Variants in ZC3H14 observed in about 807,000 individuals in gnomAD.
The protein encoded by ZC3H14 is zinc finger CCCH domain-containing protein 14.
A neutral mutation model predicts 92.4 loss-of-function variants in ZC3H14; 31 were observed. That is an observed-to-expected ratio of 0.34 (90% CI 0.25 to 0.45). ZC3H14 has a LOEUF of 0.45. ZC3H14 is among the 20% of genes least tolerant of loss of function. The probability of loss-of-function intolerance (pLI) is 1.00; values close to 1 mark genes in which losing one functional copy is unlikely to be tolerated. For synonymous variants in ZC3H14, 321 were observed against 300.9 expected, an observed-to-expected ratio of 1.07 and a Z score of -0.69; for missense variants, 781 against 897.3, an observed-to-expected ratio of 0.87 and a Z score of 1.66.
In ZC3H14 at chr14:88,618,082, C is replaced by G. The variant is rs2088034305; in HGVS notation, c.*6331C>G. The stretch of plus-strand genomic sequence containing the variant: ...TATATTCAATAAAAAGGGGTCCCAA[C>G]ATGAACATACCATTTCAAAATATGG... On this transcript the variant is annotated 3_prime_UTR_variant, in exon 17 of 17. Coordinates refer to ENST00000251038, the MANE Select transcript of ZC3H14 (RefSeq NM_024824.5). The G allele has an allele frequency of 3.8e-6, 2 of 519,986 alleles. No individual in the cohort carries two copies. The highest frequency in any genetic ancestry group is 3.3e-6 in the Non-Finnish European group (1 of 300,828). The allele number at this position is 519,986 out of a possible 1,614,324, so 32.2% of individuals were successfully genotyped here.
In ZC3H14 at chr14:88,572,198, C is replaced by G. The variant is rs770774302; in HGVS notation, c.404C>G (p.Ser135Trp). The G allele has an allele frequency of 6.2e-7, 1 of 1,614,028 alleles. No individual in the cohort carries two copies. The highest frequency in any genetic ancestry group is 1.3e-5 in the African/African-American group (1 of 75,008). ...AGAGATTCCAGAGTTTCTACAAGTTCGCAGGAGTCAAAAACCACAAATGTC... is the reference window on the plus strand; with the variant it reads ...AGAGATTCCAGAGTTTCTACAAGTTGGCAGGAGTCAAAAACCACAAATGTC... The part of the protein sequence containing the change: ...EKRDSRVSTS[S>W]QESKTTNVRQ... Residue 135 changes from serine (S) to tryptophan (W), a missense_variant, in exon 5 of 17, where the codon TCG (serine) becomes TGG (tryptophan). Physicochemically the swap from Ser to Trp is radical, Grantham distance 177. Around this residue, in one of 3 missense-constraint regions of ZC3H14, gnomAD observed 454 missense variants for 438.5 expected, o/e 1.04. Coordinates refer to ENST00000251038, the MANE Select transcript of ZC3H14 (RefSeq NM_024824.5).
At chr14:88,563,862 GTTT>G (rs554550535) in intron 2 of ZC3H14, among the ~76,000 whole-genome samples, 169 bp downstream of exon 2, 1 of 151,774 alleles carries the variant, frequency 6.6e-6, no homozygotes, top group Non-Finnish European at 1.5e-5. Flanking sequence ...TTGCAACCTT[GTTT>G]TTTTTCTCCC....
At chr14:88,586,336 A>AT (rs1027131502) in intron 9 of ZC3H14, among the ~76,000 whole-genome samples, 1 of 152,122 alleles carries the variant, frequency 6.6e-6, no homozygotes, top group African/African-American at 2.4e-5. Flanking sequence ...TTTTTGAAGT[A>AT]TTTTTTTGGA....
chr14:88,615,921 T>C lies in ZC3H14; in HGVS notation c.*4170T>C. On this transcript the variant is annotated 3_prime_UTR_variant, in exon 17 of 17. Coordinates refer to ENST00000251038, the MANE Select transcript of ZC3H14 (RefSeq NM_024824.5). ...TTAGATTTTCATAACAGTTTAATAT[T>C]TTTCAGTTGTGCTTTCAGGTTACAT... The C allele has an allele frequency of 6.5e-7, 1 of 1,534,554 alleles. No individual in the cohort carries two copies. Among genetic ancestry groups the C allele is most frequent in the Non-Finnish European group, 8.9e-7 (1 of 1,129,216 alleles).
At chr14:88,586,121 T>G (rs1326750636) in intron 9 of ZC3H14, among the ~76,000 whole-genome samples, 1 of 152,194 alleles carries the variant, frequency 6.6e-6, no homozygotes. Flanking sequence ...TGGGCTGAGA[T>G]TGCGCCGCTG....
rs960965862 is a variant in ZC3H14 at position 88,617,158 on chromosome 14, T to A, written c.*5407T>A. On this transcript the variant is annotated 3_prime_UTR_variant, in exon 17 of 17. Coordinates refer to ENST00000251038, the MANE Select transcript of ZC3H14 (RefSeq NM_024824.5). ...TGATAGAACTATTTTTTCTTTTTTT[T>A]TTTTTGAGACGGAGTTTTCGCTCTT... is the stretch of plus-strand genomic sequence containing the variant. The A allele has an allele frequency of 4.6e-6, 1 of 217,718 alleles. No homozygotes were observed. Among genetic ancestry groups the A allele is most frequent in the Admixed American group, 5.2e-5 (1 of 19,154 alleles). The allele number at this position is 217,718 out of a possible 1,614,324, so 13.5% of individuals were successfully genotyped here.
At chr14:88,567,216 C>T (rs989598012) in intron 2 of ZC3H14, among the ~76,000 whole-genome samples, 11 of 150,958 alleles carry the variant, frequency 7.3e-5, no homozygotes, top group African/African-American at 2.7e-4. Context: ...CCTGGGTTCA[C>T]ACCATTCTCC....
intron 4 of ZC3H14, among the ~76,000 whole-genome samples, chr14:88,571,736 C>T (rs1346994569): frequency 2.0e-5 from 3 of 151,994 alleles, no homozygotes; most frequent in Non-Finnish European, 4.4e-5. Context: ...CCAAGGTGGG[C>T]GGATCATGGG....
At chr14:88,595,532 G>A (rs1051505460) in intron 9 of ZC3H14, among the ~76,000 whole-genome samples, 3 of 152,152 alleles carry the variant, frequency 2.0e-5, no homozygotes. Context: ...GCTTCCCACA[G>A]GAATGCAACT....
At chr14:88,582,930 C>T (rs527494150) in intron 9 of ZC3H14, among the ~76,000 whole-genome samples, 7 of 152,056 alleles carry the variant, frequency 4.6e-5, no homozygotes, top group South Asian at 4.2e-4. Context: ...AGATAGCATT[C>T]TCTCATTTCT....
rs1414932568 is a variant in ZC3H14, at chr14:88,615,509, C to T, written c.*3758C>T. 2 of 300,432 alleles carry T rather than the reference C, an allele frequency of 6.7e-6. No homozygotes were observed. The highest frequency in any genetic ancestry group is 6.1e-6 in the Non-Finnish European group (1 of 164,194). 18.6% of individuals were successfully genotyped at this position (300,432 alleles called of 1,614,324 possible). A position where few individuals can be genotyped will look rare whatever the true frequency, so the allele number is the denominator to read the frequency against. ...GAGTTCTTCTGTAAAGAGTGCTCTA[C>T]CCTAAATTTTCCCAGCAGGTCTGCC... On this transcript the variant is annotated 3_prime_UTR_variant, in exon 17 of 17. Transcript: ENST00000251038.
intron 9 of ZC3H14, chr14:88,595,024 C>T (rs1299043881): frequency 6.2e-7 from 1 of 1,613,624 alleles, no homozygotes; most frequent in South Asian, 1.1e-5. Context: ...ATGCAACAGA[C>T]AGTTTGAAGA....
intron 4 of ZC3H14, 82 bp from the exon 5 acceptor site, chr14:88,571,948 G>A: frequency 8.5e-7 from 1 of 1,177,510 alleles, no homozygotes; most frequent in Non-Finnish European, 1.1e-6. Flanking sequence ...TGGCGACAGA[G>A]CGAGACTCCA....
intron 8 of ZC3H14, among the ~76,000 whole-genome samples, chr14:88,577,730 C>T (rs1053538190): frequency 1.3e-5 from 2 of 151,944 alleles, no homozygotes; most frequent in East Asian, 1.9e-4. Context: ...CCACTATGCC[C>T]GGCTAGTGTT....
At position 88,578,128 on chromosome 14, in the gene ZC3H14, G is replaced by GAAA; in HGVS notation, c.1272_1274dup (p.Lys424dup). ...AGAGGAAACAAAAGGAGATTCTGTA[G>GAAA]AAAAAAATCAAGGTAATAACTTAAA... On this transcript the variant is annotated inframe_insertion, in exon 9 of 17. Transcript: ENST00000251038. 6.2e-7 allele frequency: 1 copy of GAAA among 1,613,748 alleles called. No individual in the cohort carries two copies. The highest frequency in any genetic ancestry group is 8.5e-7 in the Non-Finnish European group (1 of 1,179,898).
intron 2 of ZC3H14, 109 bp downstream of exon 2, chr14:88,563,802 T>C: frequency 1.9e-6 from 2 of 1,040,006 alleles, no homozygotes; most frequent in Non-Finnish European, 3.0e-6. Flanking sequence ...AGAGACTCCC[T>C]TCTACCTTCT....
Position 88,602,969 on chromosome 14 carries a change from C to T in ZC3H14, c.1656C>T (p.Ala552=). ...EGMKPVNQTA[A]SNKGLRGLLH... Reference sequence around the variant, plus strand: ...TGAAACCCGTAAACCAAACTGCAGCCTCAAACAAGGGACTCAGAGGTCTCC... The same window carrying T: ...TGAAACCCGTAAACCAAACTGCAGCTTCAAACAAGGGACTCAGAGGTCTCC... The change falls in exon 12 of 17, where the codon GCC becomes GCT. Residue 552 remains alanine, a synonymous_variant. Transcript: ENST00000251038. 6.2e-7 allele frequency: 1 copy of T among 1,614,122 alleles called. No individual in the cohort carries two copies. The highest frequency in any genetic ancestry group is 1.1e-5 in the South Asian group (1 of 91,074).
intron 9 of ZC3H14, among the ~76,000 whole-genome samples, chr14:88,584,133 T>C (rs2082221447): frequency 6.6e-6 from 1 of 152,238 alleles, no homozygotes; most frequent in Admixed American, 6.5e-5. Context: ...TTATATTTGC[T>C]TTATATATCT....
At position 88,621,032 on chromosome 14, in the gene ZC3H14, C is replaced by CT; in HGVS notation, c.*9284dup. The stretch of plus-strand genomic sequence containing the variant: ...AATGCTCAACAGAATTCTGGCAGTT[C>CT]TTTAAGTACTAGCAATTTAGAACTT... On this transcript the variant is annotated 3_prime_UTR_variant, in exon 17 of 17. Transcript: ENST00000251038. 7.4e-6 allele frequency: 11 copies of CT among 1,490,270 alleles called. No homozygotes were observed. The highest frequency in any genetic ancestry group is 9.8e-6 in the Non-Finnish European group (11 of 1,120,920). 92.3% of individuals were successfully genotyped at this position (1,490,270 alleles called of 1,614,324 possible). A position where few individuals can be genotyped will look rare whatever the true frequency, so the allele number is the denominator to read the frequency against.
Sources: allele counts gnomAD v4.1 joint callset (sites outside exome capture counted in the v4.1 genomes callset), GRCh38; gene constraint gnomAD v4.1.1; regional missense constraint gnomAD v4.1.1; transcripts MANE v1.5; gene names NCBI Gene and HGNC (gene_info 2026-07-23, HGNC 2026-07-21).